Variants in IPCEF1 observed in about 807,000 individuals in gnomAD.
IPCEF1 encodes the protein interaction protein for cytohesin exchange factors 1, also known as interactor protein for cytohesin exchange factors 1.
Under a neutral mutation model 50.9 loss-of-function variants are expected in IPCEF1, and 31 were observed. The observed-to-expected ratio is 0.61, with a 90% CI of 0.46 to 0.82. The LOEUF is 0.82. IPCEF1 is among the 40% of genes least tolerant of loss of function. The probability of loss-of-function intolerance (pLI) is 0.00; values close to 1 mark genes in which losing one functional copy is unlikely to be tolerated. For missense variants in IPCEF1, 458 were observed against 514.0 expected (o/e 0.89, Z 1.05); for synonymous variants, 181 against 192.0 (o/e 0.94, Z 0.47).
At chr6:154,216,565 A>G (rs1391814045) in intron 7 of IPCEF1, among the ~76,000 whole-genome samples, 2 of 152,192 alleles carry the variant, frequency 1.3e-5, no homozygotes, top group Non-Finnish European at 2.9e-5. Context: ...CAGGAAGAAT[A>G]TAATTTTACT....
At chr6:154,346,903 G>A (rs1380305758) in intron 1 of IPCEF1, among the ~76,000 whole-genome samples, 1 of 152,146 alleles carries the variant, frequency 6.6e-6, no homozygotes, top group Non-Finnish European at 1.5e-5. Flanking sequence ...CCCTATCCAA[G>A]CATATCCTCT....
At chr6:154,169,190 T>C (rs1317639920) in intron 10 of IPCEF1, among the ~76,000 whole-genome samples, 1 of 151,918 alleles carries the variant, frequency 6.6e-6, no homozygotes, top group Non-Finnish European at 1.5e-5. Context: ...GTAAAACCCG[T>C]TGTCTACTAA....
chr6:154,336,864 A>G (rs892001629), intron 1 of IPCEF1, among the ~76,000 whole-genome samples: 1 of 152,234 alleles, frequency 6.6e-6, no homozygotes, highest in Non-Finnish European at 1.5e-5. Flanking sequence ...TCGGTCTCCC[A>G]AAGTGCTGAG....
At position 154,275,786 on chromosome 6, in the gene IPCEF1, G is replaced by GA. The variant is rs1282797981; in HGVS notation, c.-17-9823dup. Among the ~76,000 whole-genome samples the GA allele has an allele frequency of 4.8e-3, 707 of 148,742 alleles. 5 individuals carry two copies. The highest frequency in any genetic ancestry group is 0.016 in the African/African-American group (649 of 40,654). ...CATTCACTGGCTAGAAGGCAGCCAA[G>GA]AAAAAAAAAATGATTATAAAAGCTG... is the stretch of plus-strand genomic sequence containing the variant. On this transcript the variant is annotated intron_variant, in intron 2 of 11. Coordinates refer to ENST00000367220, the MANE Select transcript of IPCEF1 (RefSeq NM_001130700.2).
chr6:154,179,151 T>A (rs1291165238), intron 10 of IPCEF1, among the ~76,000 whole-genome samples: 2 of 152,018 alleles, frequency 1.3e-5, no homozygotes, highest in Non-Finnish European at 2.9e-5. Flanking sequence ...ATAAGTAGGA[T>A]CACAGGACAA....
chr6:154,224,068 A>T (rs1280883494), intron 5 of IPCEF1, among the ~76,000 whole-genome samples: 1 of 152,240 alleles, frequency 6.6e-6, no homozygotes. Context: ...TTCGTCACCC[A>T]TAGAACTCAA....
chr6:154,297,133 G>A (rs1170381297), intron 1 of IPCEF1, among the ~76,000 whole-genome samples: 2 of 151,862 alleles, frequency 1.3e-5, no homozygotes, highest in Non-Finnish European at 2.9e-5. Flanking sequence ...AACCTCCCCA[G>A]GCTCAGGTGA....
chr6:154,261,559 T>G (rs1479844671), intron 3 of IPCEF1, among the ~76,000 whole-genome samples: 1 of 152,190 alleles, frequency 6.6e-6, no homozygotes, highest in East Asian at 1.9e-4. Context: ...GGATCGATAC[T>G]TTTGGATCTA....
chr6:154,260,622 G>A lies in IPCEF1; in HGVS notation c.36+5290C>T, dbSNP rs573255855. On this transcript the variant is annotated intron_variant, in intron 3 of 11. Transcript: ENST00000367220. ...TGAGTAGCTGGAATTACAGGCACAC[G>A]CCACCACACCCAGCTAATTTTTGTA... Among the ~76,000 whole-genome samples, 20 of 152,018 alleles carry A rather than the reference G, an allele frequency of 1.3e-4. No homozygotes were observed. The South Asian group carries it at 2.1e-3, about 16-fold the overall frequency.
At chr6:154,229,699 A>T (rs1412736157) in intron 5 of IPCEF1, among the ~76,000 whole-genome samples, 1 of 152,132 alleles carries the variant, frequency 6.6e-6, no homozygotes, top group Non-Finnish European at 1.5e-5. Context: ...TTGCCATACA[A>T]CTGAGCAATT....
At chr6:154,264,515 G>A (rs1206876413) in intron 3 of IPCEF1, among the ~76,000 whole-genome samples, 3 of 152,054 alleles carry the variant, frequency 2.0e-5, no homozygotes, top group Non-Finnish European at 4.4e-5. Flanking sequence ...TGGGACTACA[G>A]GTGCGCACCA....
At chr6:154,257,070 G>A (rs1781479800) in intron 3 of IPCEF1, among the ~76,000 whole-genome samples, 1 of 152,158 alleles carries the variant, frequency 6.6e-6, no homozygotes, top group African/African-American at 2.4e-5. Context: ...AGATTTATCA[G>A]GATGTAACCC....
chr6:154,199,567 C>T (rs1776907454), intron 10 of IPCEF1, 101 bp downstream of exon 10: 1 of 1,317,048 alleles, frequency 7.6e-7, no homozygotes, highest in South Asian at 1.5e-5. Flanking sequence ...ATTGAATCAT[C>T]ATTCATGAGT....
intron 1 of IPCEF1, among the ~76,000 whole-genome samples, chr6:154,349,763 A>G (rs1784092066): frequency 6.6e-6 from 1 of 152,312 alleles, no homozygotes; most frequent in Non-Finnish European, 1.5e-5. Context: ...GAAAAAATCT[A>G]TCCAGTCACA....
Position 154,157,046 on chromosome 6 carries a change from C to T in IPCEF1, c.*2782G>A, listed in dbSNP as rs1223209531. ...TGGGTATAGGAATTGGCCCTTGGAC[C>T]CCAGGAAACTACCCCAAATGCATTT... On this transcript the variant is annotated 3_prime_UTR_variant, in exon 12 of 12. Coordinates refer to ENST00000367220, the MANE Select transcript of IPCEF1 (RefSeq NM_001130700.2). 2 of 152,216 alleles carry T rather than the reference C, an allele frequency of 1.3e-5. No individual in the cohort carries two copies. The highest frequency in any genetic ancestry group is 2.4e-5 in the African/African-American group (1 of 41,424). 9.4% of individuals were successfully genotyped at this position (152,216 alleles called of 1,614,324 possible). A position where few individuals can be genotyped will look rare whatever the true frequency, so the allele number is the denominator to read the frequency against.
chr6:154,189,071 A>G (rs1334331429), intron 10 of IPCEF1, among the ~76,000 whole-genome samples: 1 of 152,232 alleles, frequency 6.6e-6, no homozygotes, highest in Non-Finnish European at 1.5e-5. Flanking sequence ...AATATGTTAA[A>G]CTGACAATGA....
chr6:154,237,799 T>C (rs1294569447), intron 5 of IPCEF1, among the ~76,000 whole-genome samples: 1 of 152,202 alleles, frequency 6.6e-6, no homozygotes, highest in African/African-American at 2.4e-5. Context: ...CACATATACA[T>C]ATGTATGTTT....
chr6:154,304,880 G>A (rs558709787), intron 1 of IPCEF1, among the ~76,000 whole-genome samples: 3 of 152,304 alleles, frequency 2.0e-5, no homozygotes, highest in East Asian at 1.9e-4. Context: ...TTGGGAGGCC[G>A]AGGTGGGCAG....
At chr6:154,189,737 G>A (rs1159357782) in intron 10 of IPCEF1, among the ~76,000 whole-genome samples, 1 of 152,124 alleles carries the variant, frequency 6.6e-6, no homozygotes, top group Admixed American at 6.6e-5. Flanking sequence ...GGGAGGCCGA[G>A]GTGGGTGGAT....
Sources: gnomAD v4.1 joint callset for allele counts (sites outside exome capture counted in the v4.1 genomes callset) on GRCh38, gnomAD v4.1.1 for gene constraint, MANE v1.5 for transcripts, NCBI Gene and HGNC (gene_info 2026-07-23, HGNC 2026-07-21) for gene names.